The following IGFN1 variants were observed in gnomAD, a reference collection of about 807,000 sequenced individuals.
IGFN1 encodes the protein immunoglobulin like and fibronectin type III domain containing 1.
A neutral mutation model predicts 289.5 loss-of-function variants in IGFN1; 253 were observed. The ratio of observed to expected loss-of-function variants is 0.87; its 90% CI spans 0.79 to 0.97. IGFN1 has a LOEUF of 0.97. Ranked by LOEUF, IGFN1 falls within the 50% of genes least tolerant of loss-of-function variation. The pLI, the probability that IGFN1 is intolerant of heterozygous loss-of-function variation, is 0.00. For synonymous variants in IGFN1, 1,706 were observed against 1,788.5 expected (o/e 0.95, Z 1.16); for missense variants, 4,470 against 4,686.1 (o/e 0.95, Z 1.35).
chr1:201,196,637 G>A (rs1227057786), intron 4 of IGFN1, among the ~76,000 whole-genome samples: 1 of 152,132 alleles, frequency 6.6e-6, no homozygotes, highest in Admixed American at 6.5e-5. Flanking sequence ...GAGCCACTGC[G>A]CCTGGCCAGG....
chr1:201,225,695 T>C, intron 21 of IGFN1, 129 bp from the exon 22 acceptor site: 1 of 729,342 alleles, frequency 1.4e-6, no homozygotes, highest in Admixed American at 3.2e-5. Flanking sequence ...AAGCTTACTC[T>C]GGGTCCAGCT....
chr1:201,227,829 A>G (rs1654211383), intron 23 of IGFN1, among the ~76,000 whole-genome samples: 1 of 152,162 alleles, frequency 6.6e-6, no homozygotes, highest in African/African-American at 2.4e-5. Flanking sequence ...GGGCCACGCT[A>G]CACATTGCAG....
chr1:201,227,051 C>T lies in IGFN1; in HGVS notation c.10956C>T (p.Arg3652=), dbSNP rs771267659. The change falls in exon 23 of 24, where the codon CGC becomes CGT. Residue 3652 remains arginine, a synonymous_variant. Transcript: ENST00000335211. The part of the protein sequence containing the change: ...RPHVTWFKND[R]SLEGNPAVYS... ...ACGTCACCTGGTTCAAGAATGACCG[C>T]AGCCTGGAAGGAAACCCCGCGGTGT... The T allele has an allele frequency of 1.9e-6, 3 of 1,613,572 alleles. No homozygotes were observed. The African/African-American group carries it at 4.0e-5, about 22-fold the overall frequency.
Position 201,226,862 on chromosome 1 carries a change from C to T in IGFN1, c.10787-20C>T. 1 of 1,544,230 alleles carries T rather than the reference C, an allele frequency of 6.5e-7. No individual in the cohort carries two copies. The highest frequency in any genetic ancestry group is 1.2e-5 in the South Asian group (1 of 80,142). On this transcript the variant is annotated intron_variant, in intron 22 of 23. Coordinates refer to ENST00000335211, the MANE Select transcript of IGFN1 (RefSeq NM_001164586.2). ...TCCTCGCTTTCTCACCCTCTTCTCT[C>T]ACCCCGGCTTTCACCACAGACAGGT...
chr1:201,214,363 G>C lies in IGFN1; in HGVS notation c.8853+62G>C, dbSNP rs560573917. ...GAGGGACAGAGGTAAAGCAGAGAGG[G>C]GCAAGAGCGTAGAGGCTTTGAAAGA... On this transcript the variant is annotated intron_variant, in intron 13 of 23. Coordinates refer to ENST00000335211, the MANE Select transcript of IGFN1 (RefSeq NM_001164586.2). 3 of 1,515,046 alleles carry C rather than the reference G, an allele frequency of 2.0e-6. No homozygotes were observed. The African/African-American group carries it at 4.1e-5, about 21-fold the overall frequency. 93.9% of individuals were successfully genotyped at this position (1,515,046 alleles called of 1,614,324 possible). A position where few individuals can be genotyped will look rare whatever the true frequency, so the allele number is the denominator to read the frequency against.
Position 201,218,466 on chromosome 1 carries a change from C to T in IGFN1, c.9770-64C>T, listed in dbSNP as rs1350947557. The T allele has an allele frequency of 7.8e-6, 12 of 1,548,212 alleles. No individual in the cohort carries two copies. In the Admixed American group the frequency reaches 2.0e-4, roughly 25 times the overall value. ...TGGTCTCCTTCAGAACTTGGAGGCA[C>T]CCAAGCTATCTCCCCATGTCCAGCA... On this transcript the variant is annotated intron_variant, in intron 17 of 23. Coordinates refer to ENST00000335211, the MANE Select transcript of IGFN1 (RefSeq NM_001164586.2).
intron 9 of IGFN1, 103 bp downstream of exon 9, chr1:201,201,935 A>C: frequency 1.5e-6 from 1 of 668,088 alleles, no homozygotes; most frequent in East Asian, 2.8e-5. Flanking sequence ...GGGAACAACC[A>C]GAGCACACAA....
rs570736080 is a variant in IGFN1, at chr1:201,208,815, G to T, written c.3922G>T (p.Asp1308Tyr). Residue 1308 changes from aspartate to tyrosine, a missense_variant, in exon 12 of 24, where the codon GAT (aspartate) becomes TAT (tyrosine). Physicochemically the swap from Asp to Tyr is radical, Grantham distance 160. Coordinates refer to ENST00000335211, the MANE Select transcript of IGFN1 (RefSeq NM_001164586.2). ...MGSGSKADYR[D>Y]GVGGSGAMGS... Reference sequence around the variant, plus strand: ...TTCGGGGAGCAAGGCAGATTATAGGGATGGTGTAGGGGGTTCTGGGGCAAT... The same window carrying T: ...TTCGGGGAGCAAGGCAGATTATAGGTATGGTGTAGGGGGTTCTGGGGCAAT... 2.3e-5 allele frequency: 36 copies of T among 1,536,592 alleles called. No individual in the cohort carries two copies. The South Asian group carries it at 3.9e-4, about 17-fold the overall frequency.
intron 18 of IGFN1, 75 bp downstream of exon 18, chr1:201,218,733 G>A: frequency 1.4e-6 from 2 of 1,449,700 alleles, no homozygotes; most frequent in South Asian, 1.3e-5. Flanking sequence ...GGACTTGATG[G>A]GAGGTCAAAG....
Position 201,211,190 on chromosome 1 carries a change from G to C in IGFN1, c.6297G>C (p.Glu2099Asp). ...RDGLGGSEEM[E>D]SMDEAGYRKD... ...GTTTAGGGGGTTCTGAAGAAATGGAGTCAATGGATGAGGCAGGTTATAGGA... is the reference window on the plus strand; with the variant it reads ...GTTTAGGGGGTTCTGAAGAAATGGACTCAATGGATGAGGCAGGTTATAGGA... Residue 2099 changes from glutamate (E) to aspartate (D), a missense_variant, in exon 12 of 24, where the codon GAG becomes GAC. By Grantham distance (45) the Glu-to-Asp change is conservative (BLOSUM62 2). Coordinates refer to ENST00000335211, the MANE Select transcript of IGFN1 (RefSeq NM_001164586.2). The C allele has an allele frequency of 6.5e-7, 1 of 1,533,196 alleles. No homozygotes were observed. The highest frequency in any genetic ancestry group is 8.7e-7 in the Non-Finnish European group (1 of 1,145,096). 95.0% of individuals were successfully genotyped at this position (1,533,196 alleles called of 1,614,324 possible).
chr1:201,209,420 C>G lies in IGFN1; in HGVS notation c.4527C>G (p.Ser1509Arg). 1.3e-6 allele frequency: 2 copies of G among 1,525,122 alleles called. No individual in the cohort carries two copies. The highest frequency in any genetic ancestry group is 1.8e-6 in the Non-Finnish European group (2 of 1,142,166). 94.5% of individuals were successfully genotyped at this position (1,525,122 alleles called of 1,614,324 possible). A position where few individuals can be genotyped will look rare whatever the true frequency, so the allele number is the denominator to read the frequency against. ...LGVSEGGGSG[S>R]KAGYRGGLGS... ...TTTCTGAGGGAGGGGGTTCAGGGAG[C>G]AAAGCAGGTTATAGGGGTGGCTTAG... The change falls in exon 12 of 24, where the codon AGC becomes AGG. Residue 1509 changes from serine to arginine, a missense_variant. Transcript: ENST00000335211.
chr1:201,195,275 C>G (rs1398176470), intron 3 of IGFN1, among the ~76,000 whole-genome samples: 1 of 152,118 alleles, frequency 6.6e-6, no homozygotes, highest in African/African-American at 2.4e-5. Context: ...CCTCAGCCTC[C>G]CAAGTAGCTG....
intron 9 of IGFN1, among the ~76,000 whole-genome samples, chr1:201,202,797 T>C (rs832161): frequency 0.93 from 132,333 of 142,384 alleles, 62,043 homozygotes; most frequent in Non-Finnish European, 1. Flanking sequence ...ATTCTGTTGC[T>C]CAGCCTGGAG....
In IGFN1 at chr1:201,221,665, G is replaced by C. The variant is rs748460676; in HGVS notation, c.10120G>C (p.Val3374Leu). The change falls in exon 19 of 24, where the codon GTG becomes CTG. Residue 3374 changes from valine to leucine, a missense_variant. Transcript: ENST00000335211. ...GCTTCGGCCTGGAGAGGGCTACTTC[G>C]TGCGGGTGACAGCAGTTAATGAAGG... ...KGLRPGEGYF[V>L]RVTAVNEGGQ... 1 of 1,614,114 alleles carries C rather than the reference G, an allele frequency of 6.2e-7. No individual in the cohort carries two copies. Among genetic ancestry groups the C allele is most frequent in the South Asian group, 1.1e-5 (1 of 91,072 alleles).
Position 201,205,142 on chromosome 1 carries a change from C to T in IGFN1, c.977C>T (p.Ala326Val). 6.4e-7 allele frequency: 1 copy of T among 1,550,988 alleles called. No homozygotes were observed. Among genetic ancestry groups the T allele is most frequent in the Non-Finnish European group, 8.7e-7 (1 of 1,146,970 alleles). Residue 326 changes from alanine (A) to valine (V), a missense_variant, in exon 11 of 24, where the codon GCA becomes GTA. By Grantham distance (64) the Ala-to-Val change is moderately conservative. Transcript: ENST00000335211. Reference protein sequence around the residue: ...AETHCEEQGDAVFECTLSSPC... With the variant: ...AETHCEEQGDVVFECTLSSPC... ...ACCCACTGTGAGGAGCAGGGTGACG[C>T]AGTCTTTGAATGTACCCTCTCCAGC...
chr1:201,206,270 C>T lies in IGFN1; in HGVS notation c.1377C>T (p.Ser459=). The change falls in exon 12 of 24, where the codon AGC becomes AGT. Residue 459 remains serine (S), a synonymous_variant. Transcript: ENST00000335211. ...GPASGLQHIA[S]PDRDGLGRHG... ...CTTCTGGGCTCCAGCACATAGCCAG[C>T]CCAGACAGGGATGGCCTTGGCAGAC... 1 of 1,548,566 alleles carries T rather than the reference C, an allele frequency of 6.5e-7. No individual in the cohort carries two copies. Among genetic ancestry groups the T allele is most frequent in the Non-Finnish European group, 8.7e-7 (1 of 1,145,840 alleles).
Position 201,207,982 on chromosome 1 carries a change from G to A in IGFN1, c.3089G>A (p.Gly1030Glu). The A allele has an allele frequency of 1.3e-6, 2 of 1,536,984 alleles. No homozygotes were observed. Among genetic ancestry groups the A allele is most frequent in the Non-Finnish European group, 1.7e-6 (2 of 1,146,828 alleles). Reference protein sequence around the residue: ...WSGNEDSGPAGGGSGRVASLK... With the variant: ...WSGNEDSGPAEGGSGRVASLK... The stretch of plus-strand genomic sequence containing the variant: ...GGAAATGAAGATTCTGGCCCTGCAG[G>A]AGGAGGGTCTGGGAGAGTTGCCAGT... The change falls in exon 12 of 24, where the codon GGA (glycine) becomes GAA (glutamate). Residue 1030 changes from glycine to glutamate, a missense_variant. Around this residue, in one of 8 missense-constraint regions of IGFN1, gnomAD observed 2,011 missense variants for 1,953.4 expected, o/e 1.03. Transcript: ENST00000335211.
rs958253210 is a variant in IGFN1, at chr1:201,211,868, C to A, written c.6975C>A (p.Gly2325=). The change falls in exon 12 of 24, where the codon GGC becomes GGA. Residue 2325 remains glycine, a synonymous_variant. Coordinates refer to ENST00000335211, the MANE Select transcript of IGFN1 (RefSeq NM_001164586.2). ...LSWNEAGSRQ[G]FGGTSGMGSG... ...GGAATGAGGCAGGTTCTAGGCAAGG[C>A]TTTGGGGGAACTAGTGGCATGGGGT... 6.5e-6 allele frequency: 10 copies of A among 1,533,152 alleles called. No individual in the cohort carries two copies. The highest frequency in any genetic ancestry group is 8.7e-6 in the Non-Finnish European group (10 of 1,144,786). 95.0% of individuals were successfully genotyped at this position (1,533,152 alleles called of 1,614,324 possible).
rs1044686952 is a variant in IGFN1, at chr1:201,195,784, TAC to T, written c.128-53_128-52del. On this transcript the variant is annotated intron_variant, in intron 3 of 23. Coordinates refer to ENST00000335211, the MANE Select transcript of IGFN1 (RefSeq NM_001164586.2). Reference sequence around the variant, plus strand: ...TATAAATTAAAATTTAAATAAAGTATACAGTCACCCTCTCCCAACTTGTCAGT... The same window carrying T: ...TATAAATTAAAATTTAAATAAAGTATAGTCACCCTCTCCCAACTTGTCAGT... The T allele has an allele frequency of 5.3e-6, 8 of 1,504,546 alleles. No homozygotes were observed. The African/African-American group carries it at 1.1e-4, about 21-fold the overall frequency. 93.2% of individuals were successfully genotyped at this position (1,504,546 alleles called of 1,614,324 possible).
Sources: allele counts gnomAD v4.1 joint callset (sites outside exome capture counted in the v4.1 genomes callset), GRCh38; gene constraint gnomAD v4.1.1; regional missense constraint gnomAD v4.1.1; transcripts MANE v1.5; gene names NCBI Gene and HGNC (gene_info 2026-07-23, HGNC 2026-07-21).